PLD5: variants seen among roughly 807,000 people sequenced by gnomAD.
PLD5 encodes inactive phospholipase D5.
PLD5 carries 36 observed loss-of-function variants against 61.1 expected under a neutral mutation model. The ratio of observed to expected loss-of-function variants is 0.59; its 90% CI spans 0.45 to 0.78. The LOEUF is 0.78. PLD5 is among the 30% of genes least tolerant of loss of function. The pLI is 0.00. For missense variants in PLD5, 515 were observed against 644.4 expected (o/e 0.80, Z 2.17); for synonymous variants, 243 against 242.8 (o/e 1.00, Z -0.01).
intron 2 of PLD5, among the ~76,000 whole-genome samples, chr1:242,305,509 T>C: frequency 6.6e-6 from 1 of 152,160 alleles, no homozygotes; most frequent in South Asian, 2.1e-4. Context: ...CTCAAGACAG[T>C]TTTCATCCAG....
chr1:242,377,207 C>T (rs1306355717), intron 1 of PLD5: 7 of 1,611,610 alleles, frequency 4.3e-6, no homozygotes, highest in African/African-American at 2.7e-5. Context: ...AGAGGCCACA[C>T]TCCCGGCACT....
At chr1:242,239,738 G>A (rs1671872812) in intron 4 of PLD5, among the ~76,000 whole-genome samples, 1 of 152,126 alleles carries the variant, frequency 6.6e-6, no homozygotes, top group African/African-American at 2.4e-5. Flanking sequence ...CGGGCAAGTC[G>A]TTTAATCTCT....
upstream of PLD5, among the ~76,000 whole-genome samples, chr1:242,527,114 CTTTTTTTTTTTTTTTTTTTT>C (rs530334746): frequency 1.8e-4 from 13 of 71,946 alleles, no homozygotes; most frequent in African/African-American, 6.1e-4. Context: ...CTATCTCCTT[CTTTTTTTTTTTTTTTTTTTT>C]TTTTTTTTTT....
chr1:242,230,998 A>C (rs1671262405), intron 4 of PLD5, among the ~76,000 whole-genome samples: 1 of 151,844 alleles, frequency 6.6e-6, no homozygotes, highest in African/African-American at 2.4e-5. Flanking sequence ...GCTTTCAGAA[A>C]CAATTAGGCT....
chr1:242,223,155 G>A (rs1464251118), intron 4 of PLD5, among the ~76,000 whole-genome samples: 1 of 152,182 alleles, frequency 6.6e-6, no homozygotes, highest in Non-Finnish European at 1.5e-5. Context: ...GTGTCCTCAT[G>A]TGGTGGAAAA....
At chr1:242,399,644 T>TA (rs10712764) in intron 1 of PLD5, among the ~76,000 whole-genome samples, 25 of 149,668 alleles carry the variant, frequency 1.7e-4, no homozygotes, top group Middle Eastern at 3.4e-3. Flanking sequence ...GGCTAAGCAT[T>TA]AAAAAAAAAA....
intron 2 of PLD5, among the ~76,000 whole-genome samples, chr1:242,335,448 T>C (rs1170345649): frequency 6.6e-6 from 1 of 152,184 alleles, no homozygotes; most frequent in Non-Finnish European, 1.5e-5. Context: ...GATCCTTTTG[T>C]AGTAAGAACG....
rs1659329419 is a variant in PLD5 at position 242,083,168 on chromosome 1, C to T, written c.*6686G>A. 6.6e-6 allele frequency: 1 copy of T among 152,202 alleles called. No individual in the cohort carries two copies. Among genetic ancestry groups the T allele is most frequent in the African/African-American group, 2.4e-5 (1 of 41,450 alleles). 9.4% of individuals were successfully genotyped at this position (152,202 alleles called of 1,614,324 possible). A position where few individuals can be genotyped will look rare whatever the true frequency, so the allele number is the denominator to read the frequency against. On this transcript the variant is annotated 3_prime_UTR_variant, in exon 10 of 10. Transcript: ENST00000536534. ...TTGACTGCAGAAGTAACTGCTGTCACTGTTCTCAGAGTCACCATTACGGTG... is the reference window on the plus strand; with the variant it reads ...TTGACTGCAGAAGTAACTGCTGTCATTGTTCTCAGAGTCACCATTACGGTG...
rs550231651 is a variant in PLD5 at position 242,447,529 on chromosome 1, G to A, written c.189+76559C>T. On this transcript the variant is annotated intron_variant, in intron 1 of 9. Transcript: ENST00000536534. ...CCTAGGCAAAAGCTAGGTGGTCCCT[G>A]TTAAATTATTGCCATTTTAGTGTCT... is the stretch of plus-strand genomic sequence containing the variant. Among the ~76,000 whole-genome samples the A allele has an allele frequency of 2.6e-5, 4 of 152,366 alleles. No homozygotes were observed. In the South Asian group the frequency reaches 8.3e-4, roughly 32 times the overall value.
intron 5 of PLD5, chr1:242,210,434 C>T (rs1442489271): frequency 6.4e-6 from 1 of 155,680 alleles, no homozygotes; most frequent in Non-Finnish European, 1.4e-5. Flanking sequence ...CCTGCCCCGC[C>T]TTAACTGATG....
Position 242,260,295 on chromosome 1 carries a change from C to G in PLD5, c.607+5042G>C, listed in dbSNP as rs1348890759. Reference sequence around the variant, plus strand: ...CCGGGAGGCAGAGCTTGCAGTGAGCCGAGATGGCACCATTGCACTCCAGCC... The same window carrying G: ...CCGGGAGGCAGAGCTTGCAGTGAGCGGAGATGGCACCATTGCACTCCAGCC... On this transcript the variant is annotated intron_variant, in intron 4 of 9. Coordinates refer to ENST00000536534, the MANE Select transcript of PLD5 (RefSeq NM_001372062.1). Among the ~76,000 whole-genome samples the G allele has an allele frequency of 1.3e-5, 2 of 150,742 alleles. 1 individual carries two copies. The highest frequency in any genetic ancestry group is 4.2e-4 in the South Asian group (2 of 4,772).
intron 1 of PLD5, among the ~76,000 whole-genome samples, chr1:242,348,587 G>C (rs1660273536): frequency 6.6e-6 from 1 of 152,076 alleles, no homozygotes; most frequent in Admixed American, 6.5e-5. Context: ...ACATATGCTA[G>C]CATCATGCTG....
Position 242,403,468 on chromosome 1 carries a change from C to CTT in PLD5, c.190-55228_190-55227dup, listed in dbSNP as rs199559256. Among the ~76,000 whole-genome samples the CTT allele has an allele frequency of 7.0e-4, 97 of 139,006 alleles. 1 individual carries two copies. Among genetic ancestry groups the CTT allele is most frequent in the African/African-American group, 2.3e-3 (85 of 37,700 alleles). The allele number at this position is 139,006 out of a possible 152,430, so 91.2% of individuals were successfully genotyped here. ...TTCTCCCCATCAGTTCTTGGATAGGCTTTTTTTTTTTTTTTTTAAGATATC... is the reference window on the plus strand; with the variant it reads ...TTCTCCCCATCAGTTCTTGGATAGGCTTTTTTTTTTTTTTTTTTTAAGATATC... On this transcript the variant is annotated intron_variant, in intron 1 of 9. Transcript: ENST00000536534.
At chr1:242,218,799 G>C (rs1670379800) in intron 5 of PLD5, among the ~76,000 whole-genome samples, 1 of 152,050 alleles carries the variant, frequency 6.6e-6, no homozygotes, top group Non-Finnish European at 1.5e-5. Context: ...AGTGTCCTTG[G>C]GTAAGTTACT....
chr1:242,529,360 C>G (rs1028947793), upstream of PLD5, among the ~76,000 whole-genome samples: 1 of 152,110 alleles, frequency 6.6e-6, no homozygotes, highest in African/African-American at 2.4e-5. Flanking sequence ...ACTAAAGATT[C>G]TCATTGTTTG....
intron 5 of PLD5, among the ~76,000 whole-genome samples, chr1:242,139,746 A>T (rs1057398904): frequency 9.2e-5 from 14 of 152,064 alleles, no homozygotes; most frequent in Non-Finnish European, 2.1e-4. Context: ...ACAGGGAGAG[A>T]TGTCCTGTAA....
At chr1:242,401,203 C>T (rs756001688) in intron 1 of PLD5, among the ~76,000 whole-genome samples, 16 of 152,274 alleles carry the variant, frequency 1.1e-4, no homozygotes, top group South Asian at 4.1e-4. Flanking sequence ...CACATCAATT[C>T]CATTATTGGT....
intron 2 of PLD5, among the ~76,000 whole-genome samples, chr1:242,341,625 TG>T (rs1334514670): frequency 4.3e-5 from 6 of 139,792 alleles, no homozygotes; most frequent in African/African-American, 1.6e-4. Flanking sequence ...CAGACTTTGG[TG>T]ATCTAGGACA....
chr1:242,513,333 A>T (rs1364832105), intron 1 of PLD5, among the ~76,000 whole-genome samples: 2 of 152,340 alleles, frequency 1.3e-5, no homozygotes, highest in East Asian at 3.9e-4. Flanking sequence ...CAAGTTTATC[A>T]ATATTAGGCA....
Sources: allele counts gnomAD v4.1 joint callset (sites outside exome capture counted in the v4.1 genomes callset), GRCh38; gene constraint gnomAD v4.1.1; transcripts MANE v1.5; gene names NCBI Gene and HGNC (gene_info 2026-07-23, HGNC 2026-07-21).